CEP72: variants seen among roughly 807,000 people sequenced by gnomAD.
CEP72 encodes the protein centrosomal protein 72, also known as centrosomal protein of 72 kDa.
In CEP72, 78 loss-of-function variants were observed where a neutral mutation model predicts 65.7. The ratio of observed to expected loss-of-function variants is 1.19; its 90% CI spans 0.99 to 1.43. CEP72 has a LOEUF of 1.43. Ranked by LOEUF, CEP72 falls within the 40% of genes most tolerant of loss-of-function variation. The pLI is 0.00. For missense variants in CEP72, 914 were observed against 832.9 expected (o/e 1.10, Z -1.20); for synonymous variants, 358 against 351.7 (o/e 1.02, Z -0.20).
At chr5:651,683 G>T (rs1739108675) in intron 11 of CEP72, among the ~76,000 whole-genome samples, 1 of 152,044 alleles carries the variant, frequency 6.6e-6, no homozygotes, top group Non-Finnish European at 1.5e-5. Flanking sequence ...TGGAGGCTGG[G>T]TGCAGAAAGG....
chr5:641,344 G>A (rs892020527), intron 9 of CEP72: 3 of 985,304 alleles, frequency 3.0e-6, no homozygotes, highest in African/African-American at 1.7e-5. Context: ...CTGGTGTGAG[G>A]GCAGAGCCAC....
chr5:663,106 G>C (rs1341885648), intron 1 of CEP72: 1 of 128,530 alleles, frequency 7.8e-6, no homozygotes, highest in African/African-American at 3.0e-5. Flanking sequence ...GATTCCGGTG[G>C]CCGCTCGTCT....
chr5:637,531 G>T lies in CEP72; in HGVS notation c.919G>T (p.Glu307Ter). The change falls in exon 7 of 12, where the codon GAG becomes TAG. Residue 307 changes from glutamate (E) to a stop codon, truncating the protein, a stop_gained. Coordinates refer to ENST00000264935, the MANE Select transcript of CEP72 (RefSeq NM_018140.4). LOFTEE classifies it high-confidence loss of function. ...FTPHPDSMDT[E>*]DSASSQKLDL... ...CTATATCTCAGACTCCATGGATACC[G>T]AGGACTCGGCCTCTTCTCAGAAGTT... 1.2e-6 allele frequency: 2 copies of T among 1,613,304 alleles called. No individual in the cohort carries two copies. Among genetic ancestry groups the T allele is most frequent in the South Asian group, 1.1e-5 (1 of 91,026 alleles).
chr5:671,204 CTAAT>C (rs1315532362), downstream of CEP72, among the ~76,000 whole-genome samples: 2 of 145,888 alleles, frequency 1.4e-5, no homozygotes, highest in East Asian at 4.3e-4. Flanking sequence ...GCGCTTGCTG[CTAAT>C]TAATTTTGCG....
chr5:643,015 G>T, intron 9 of CEP72: 6 of 985,504 alleles, frequency 6.1e-6, no homozygotes, highest in South Asian at 4.7e-5. Flanking sequence ...CTTGGGTGCA[G>T]TCGGTCCTCT....
chr5:620,586 C>T (rs547699606), intron 3 of CEP72, among the ~76,000 whole-genome samples: 1 of 152,354 alleles, frequency 6.6e-6, no homozygotes, highest in South Asian at 2.1e-4. Flanking sequence ...TGAACATCTC[C>T]TGTCCTGTTT....
rs1440836382 is a variant in CEP72 at position 637,694 on chromosome 5, C to T, written c.1082C>T (p.Ser361Phe). Reference protein sequence around the residue: ...LGCPERTHGSSVPKESLSRQD... With the variant: ...LGCPERTHGSFVPKESLSRQD... The stretch of plus-strand genomic sequence containing the variant: ...TGCCCGGAGAGAACTCATGGGTCCT[C>T]CGTGCCCAAGGAGAGCCTGAGCAGA... The change falls in exon 7 of 12, where the codon TCC becomes TTC. Residue 361 changes from serine to phenylalanine, a missense_variant. Ser to Phe is a radical substitution (Grantham distance 155). Transcript: ENST00000264935. The T allele has an allele frequency of 1.9e-6, 3 of 1,613,832 alleles. No individual in the cohort carries two copies. The highest frequency in any genetic ancestry group is 1.6e-4 in the Middle Eastern group (1 of 6,062).
In CEP72 at chr5:633,781, C is replaced by T. The variant is rs1737392154; in HGVS notation, c.525C>T (p.Pro175=). The T allele has an allele frequency of 6.2e-7, 1 of 1,614,088 alleles. No homozygotes were observed. Residue 175 remains proline, a synonymous_variant, in exon 5 of 12, where the codon CCC becomes CCT. Coordinates refer to ENST00000264935, the MANE Select transcript of CEP72 (RefSeq NM_018140.4). ...ASLKEGRPHH[P]RAKCTEALAK... Reference sequence around the variant, plus strand: ...CTTTTCCTTACAGACCACACCACCCCAGAGCCAAGTGCACCGAGGCCTTGG... The same window carrying T: ...CTTTTCCTTACAGACCACACCACCCTAGAGCCAAGTGCACCGAGGCCTTGG...
intron 3 of CEP72, among the ~76,000 whole-genome samples, chr5:620,484 A>C (rs553164264): frequency 6.6e-6 from 1 of 152,304 alleles, no homozygotes; most frequent in Admixed American, 6.5e-5. Context: ...GGGAGGGCGC[A>C]GGGCTGGGGC....
chr5:661,310 T>TGTCACCCCCAACAGAAC (rs1739588196), downstream of CEP72: 1 of 136,856 alleles, frequency 7.3e-6, no homozygotes, highest in Non-Finnish European at 1.6e-5. Flanking sequence ...CCCTGTCTCC[T>TGTCACCCCCAACAGAAC]CTTGTCACCC....
intron 5 of CEP72, among the ~76,000 whole-genome samples, chr5:634,180 A>G (rs1737429401): frequency 6.6e-6 from 1 of 152,232 alleles, no homozygotes; most frequent in African/African-American, 2.4e-5. Context: ...TTTAAATTGT[A>G]TCCTTCTGAG....
downstream of CEP72, chr5:655,604 G>C (rs1430953206): frequency 6.6e-6 from 1 of 152,108 alleles, no homozygotes; most frequent in Non-Finnish European, 1.5e-5. The surrounding 1 kb of genome is among the most constrained non-coding windows in gnomAD (Gnocchi z 5.0). Flanking sequence ...GGGTAGTGGA[G>C]GGAGTGGGGT....
At chr5:675,132 A>AG in the CEP72 span, among the ~76,000 whole-genome samples, 1 of 88,002 alleles carries the variant, frequency 1.1e-5, no homozygotes, top group Non-Finnish European at 2.3e-5. Flanking sequence ...CAGTGTGGCC[A>AG]GGGGTGCAGT....
Position 619,096 on chromosome 5 carries a change from C to T in CEP72, c.189C>T (p.Arg63=), listed in dbSNP as rs770186973. 1.2e-6 allele frequency: 2 copies of T among 1,613,782 alleles called. No homozygotes were observed. Among genetic ancestry groups the T allele is most frequent in the Non-Finnish European group, 1.7e-6 (2 of 1,179,702 alleles). ...LTGLKSLDLS[R]NSLVSLEGIQ... ...GTCTGAAATCTTTGGATCTCTCGCG[C>T]AACTCCTTGGTTAGTCTGGAGGTAA... The change falls in exon 2 of 12, where the codon CGC becomes CGT. Residue 63 remains arginine (R), a synonymous_variant. Coordinates refer to ENST00000264935, the MANE Select transcript of CEP72 (RefSeq NM_018140.4).
chr5:619,952 A>G (rs1736275018), intron 2 of CEP72, 117 bp from the exon 3 acceptor site: 7 of 762,934 alleles, frequency 9.2e-6, no homozygotes, highest in South Asian at 7.3e-5. Context: ...TGGTAATGAC[A>G]TGGAGTTATT....
rs910658891 is a variant in CEP72 at position 639,082 on chromosome 5, A to G, written c.1207-7A>G. 4 of 1,613,086 alleles carry G rather than the reference A, an allele frequency of 2.5e-6. No individual in the cohort carries two copies. The highest frequency in any genetic ancestry group is 2.7e-5 in the African/African-American group (2 of 74,920). On this transcript the variant is annotated splice_region_variant and splice_polypyrimidine_tract_variant and intron_variant, in intron 7 of 11. Coordinates refer to ENST00000264935, the MANE Select transcript of CEP72 (RefSeq NM_018140.4). ...TCGCTGGCCTCATGCTGTTGTTTCCATCACAGCCGTCTCCCGGGTCACACT... is the reference window on the plus strand; with the variant it reads ...TCGCTGGCCTCATGCTGTTGTTTCCGTCACAGCCGTCTCCCGGGTCACACT...
intron 9 of CEP72, 58 bp from the exon 10 acceptor site, chr5:644,241 C>T (rs1202608366): frequency 5.0e-6 from 8 of 1,585,444 alleles, no homozygotes; most frequent in Non-Finnish European, 6.9e-6. Context: ...GTTTTACTTT[C>T]TATACGCATT....
downstream of CEP72, among the ~76,000 whole-genome samples, chr5:668,760 C>G (rs1351873960): frequency 6.6e-6 from 1 of 152,238 alleles, no homozygotes; most frequent in Non-Finnish European, 1.5e-5. Flanking sequence ...CTCGTAGTCA[C>G]CAAACCCCAA....
intron 1 of CEP72, among the ~76,000 whole-genome samples, chr5:613,508 A>G (rs527729224): frequency 2.0e-5 from 3 of 152,236 alleles, no homozygotes; most frequent in South Asian, 4.2e-4. Flanking sequence ...TGGGATTACA[A>G]GCACGCGCCA....
Sources: gnomAD v4.1 joint callset for allele counts (sites outside exome capture counted in the v4.1 genomes callset) on GRCh38, gnomAD v4.1.1 for gene constraint, Gnocchi (gnomAD v3.1) non-coding constraint, MANE v1.5 for transcripts, NCBI Gene and HGNC (gene_info 2026-07-23, HGNC 2026-07-21) for gene names.